DTHD1: variants seen among roughly 807,000 people sequenced by gnomAD.
DTHD1 encodes death domain-containing protein 1.
DTHD1 carries 59 observed loss-of-function variants against 74.8 expected under a neutral mutation model. The observed-to-expected ratio is 0.79, with a 90% confidence interval of 0.64 to 0.98. DTHD1 has a LOEUF of 0.98. Among genes scored for constraint, DTHD1 ranks in the 50% least tolerant of loss-of-function variants. DTHD1 has a pLI of 0.00. For missense variants in DTHD1, 1,051 were observed against 1,065.4 expected, an observed-to-expected ratio of 0.99 and a Z score of 0.19; for synonymous variants, 365 against 371.1, an observed-to-expected ratio of 0.98 and a Z score of 0.19.
intron 7 of DTHD1, among the ~76,000 whole-genome samples, chr4:36,309,782 C>A (rs950696455): frequency 6.6e-6 from 1 of 152,140 alleles, no homozygotes; most frequent in African/African-American, 2.4e-5. Context: ...CATTGACTGA[C>A]AAATAAACTA....
Position 36,284,288 on chromosome 4 carries a change from C to T in DTHD1, c.584C>T (p.Thr195Ile), listed in dbSNP as rs975899908. The T allele has an allele frequency of 6.5e-7, 1 of 1,537,126 alleles. No homozygotes were observed. Among genetic ancestry groups the T allele is most frequent in the Admixed American group, 2.0e-5 (1 of 51,000 alleles). The part of the protein sequence containing the change: ...SSALVEKENN[T>I]SLNGRVLGQE... ...GCATTAGTGGAAAAAGAAAACAATA[C>T]ATCACTGAATGGACGTGTACTGGGG... Residue 195 changes from threonine to isoleucine, a missense_variant, in exon 2 of 10, where the codon ACA becomes ATA. Physicochemically the swap from Thr to Ile is moderately conservative, Grantham distance 89. Transcript: ENST00000639862.
intron 8 of DTHD1, among the ~76,000 whole-genome samples, chr4:36,331,929 G>T (rs1758703402): frequency 6.6e-6 from 1 of 152,148 alleles, no homozygotes; most frequent in South Asian, 2.1e-4. Context: ...TATGACAAAT[G>T]GCTATAGTAT....
At chr4:36,331,536 T>C (rs1578488678) in intron 8 of DTHD1, among the ~76,000 whole-genome samples, 2 of 152,320 alleles carry the variant, frequency 1.3e-5, no homozygotes, top group East Asian at 3.9e-4. Flanking sequence ...CCTATCACTT[T>C]TACTTGTATG....
chr4:36,316,160 C>G, intron 7 of DTHD1, 82 bp from the exon 8 acceptor site: 1 of 1,332,878 alleles, frequency 7.5e-7, no homozygotes, highest in Non-Finnish European at 1.0e-6. Context: ...TGGTCTCGAT[C>G]TCCTGACCTC....
chr4:36,325,768 T>C (rs1397088300), intron 8 of DTHD1, among the ~76,000 whole-genome samples: 36 of 152,202 alleles, frequency 2.4e-4, no homozygotes, highest in Admixed American at 2.4e-3. Context: ...CAGTGTTTGT[T>C]GATTTTACTT....
intron 2 of DTHD1, among the ~76,000 whole-genome samples, chr4:36,289,496 G>A (rs903514480): frequency 2.6e-5 from 4 of 152,066 alleles, no homozygotes; most frequent in African/African-American, 4.8e-5. Flanking sequence ...CTTACCATCT[G>A]TGGGATCTTT....
intron 9 of DTHD1, among the ~76,000 whole-genome samples, chr4:36,340,938 G>A (rs1005674259): frequency 3.3e-5 from 5 of 152,078 alleles, no homozygotes; most frequent in Admixed American, 6.6e-5. Flanking sequence ...AGAGAGGAAA[G>A]AGGAGAAGCA....
intron 8 of DTHD1, among the ~76,000 whole-genome samples, chr4:36,333,112 A>C (rs1758794384): frequency 6.6e-6 from 1 of 152,188 alleles, no homozygotes; most frequent in South Asian, 2.1e-4. Context: ...TAAATTTAGC[A>C]TAAAAATTCA....
At chr4:36,292,823 C>T (rs1042561396) in intron 3 of DTHD1, among the ~76,000 whole-genome samples, 4 of 152,332 alleles carry the variant, frequency 2.6e-5, no homozygotes, top group East Asian at 3.9e-4. Flanking sequence ...TCTGCCTCCT[C>T]ATTTTAAGCT....
rs961717864 is a variant in DTHD1, at chr4:36,332,812, T to A, written c.2341-6300T>A. Reference sequence around the variant, plus strand: ...CTCCCCATCTTCCACACAATTTTTTTAATTTTCTTTTTTTTTAATGAAAGG... The same window carrying A: ...CTCCCCATCTTCCACACAATTTTTTAAATTTTCTTTTTTTTTAATGAAAGG... On this transcript the variant is annotated intron_variant, in intron 8 of 9. Transcript: ENST00000639862. 4 of 152,142 alleles carry A rather than the reference T, an allele frequency of 2.6e-5. No individual in the cohort carries two copies. The South Asian group carries it at 6.2e-4, about 24-fold the overall frequency. The allele number at this position is 152,142 out of a possible 1,614,324, so 9.4% of individuals were successfully genotyped here.
chr4:36,308,431 A>G lies in DTHD1; in HGVS notation c.2033A>G (p.His678Arg), dbSNP rs1757187624. The stretch of plus-strand genomic sequence containing the variant: ...GGAGGACCTCCAGAGCCATCTCGTC[A>G]TTTCCAAGTTCGAGAAGGAGAACAA... ...GFGGPPEPSR[H>R]FQVREGEQLL... Residue 678 changes from histidine to arginine, a missense_variant, in exon 7 of 10, where the codon CAT becomes CGT. His to Arg is a conservative substitution (Grantham distance 29, BLOSUM62 0). Transcript: ENST00000639862. 9.0e-6 allele frequency: 14 copies of G among 1,551,752 alleles called. No homozygotes were observed. The highest frequency in any genetic ancestry group is 2.7e-5 in the African/African-American group (2 of 73,048).
At chr4:36,331,540 T>C (rs973461976) in intron 8 of DTHD1, among the ~76,000 whole-genome samples, 1 of 152,184 alleles carries the variant, frequency 6.6e-6, no homozygotes, top group Admixed American at 6.5e-5. Context: ...TCACTTTTAC[T>C]TGTATGTCTT....
chr4:36,327,744 C>G, intron 8 of DTHD1, among the ~76,000 whole-genome samples: 1 of 152,150 alleles, frequency 6.6e-6, no homozygotes, highest in Non-Finnish European at 1.5e-5. Context: ...TTCCAGACTG[C>G]TTTTGATAAT....
At chr4:36,282,644 T>C (rs1755465113) in intron 1 of DTHD1, among the ~76,000 whole-genome samples, 1 of 152,114 alleles carries the variant, frequency 6.6e-6, no homozygotes, top group Non-Finnish European at 1.5e-5. Flanking sequence ...ATCTGATGAA[T>C]ATAATCCTAG....
chr4:36,282,740 T>C (rs1755471548), intron 1 of DTHD1, among the ~76,000 whole-genome samples: 1 of 152,074 alleles, frequency 6.6e-6, no homozygotes, highest in Non-Finnish European at 1.5e-5. Flanking sequence ...AGTGGGCAGG[T>C]TCCATCTATG....
rs1185102236 is a variant in DTHD1 at position 36,281,637 on chromosome 4, G to C, written c.-122G>C. The C allele has an allele frequency of 2.4e-6, 3 of 1,227,950 alleles. No homozygotes were observed. Among genetic ancestry groups the C allele is most frequent in the Non-Finnish European group, 3.0e-6 (3 of 984,272 alleles). The allele number at this position is 1,227,950 out of a possible 1,614,324, so 76.1% of individuals were successfully genotyped here. On this transcript the variant is annotated 5_prime_UTR_variant, in exon 1 of 10. Coordinates refer to ENST00000639862, the MANE Select transcript of DTHD1 (RefSeq NM_001170700.3). ...AATAACCACTATGTTGTGAGAAAGT[G>C]CTGGGCTAGCTGACTCGGATCATCT...
At chr4:36,289,327 C>T (rs1226173959) in intron 2 of DTHD1, among the ~76,000 whole-genome samples, 1 of 152,114 alleles carries the variant, frequency 6.6e-6, no homozygotes, top group Non-Finnish European at 1.5e-5. Context: ...AATGTTTTAT[C>T]ACATTCAATC....
intron 2 of DTHD1, among the ~76,000 whole-genome samples, chr4:36,289,762 T>C (rs1755942889): frequency 6.6e-6 from 1 of 152,106 alleles, no homozygotes; most frequent in Admixed American, 6.5e-5. Flanking sequence ...AAGAGTAAAA[T>C]GAATGATCAA....
At chr4:36,337,222 T>C (rs1759060503) in intron 8 of DTHD1, among the ~76,000 whole-genome samples, 1 of 152,012 alleles carries the variant, frequency 6.6e-6, no homozygotes, top group African/African-American at 2.4e-5. Flanking sequence ...GAAGGCAACG[T>C]AGAAAATCCT....
Sources: gnomAD v4.1 joint callset for allele counts (sites outside exome capture counted in the v4.1 genomes callset) on GRCh38, gnomAD v4.1.1 for gene constraint, MANE v1.5 for transcripts, NCBI Gene and HGNC (gene_info 2026-07-23, HGNC 2026-07-21) for gene names.